Variants in TMEM132C observed in about 807,000 individuals in gnomAD.
TMEM132C encodes the protein transmembrane protein 132C, also known as protein phosphatase 1, regulatory subunit 152.
In TMEM132C, 29 loss-of-function variants were observed where a neutral mutation model predicts 61.4. The ratio of observed to expected loss-of-function variants is 0.47; its 90% CI spans 0.35 to 0.64. The LOEUF (loss-of-function observed/expected upper bound fraction) is 0.64. Ranked by LOEUF, TMEM132C falls within the 30% of genes least tolerant of loss-of-function variation. The pLI is 0.00. For missense variants in TMEM132C, 1,408 were observed against 1,476.9 expected, an observed-to-expected ratio of 0.95 and a Z score of 0.76; for synonymous variants, 656 against 633.1, an observed-to-expected ratio of 1.04 and a Z score of -0.54.
chr12:128,669,609 G>A (rs1175534880), intron 5 of TMEM132C, 49 bp downstream of exon 5: 1 of 1,539,788 alleles, frequency 6.5e-7, no homozygotes, highest in Non-Finnish European at 8.8e-7. Context: ...AACTTCACTT[G>A]GACATCCCGT....
At chr12:128,548,983 C>T (rs772887027) in intron 3 of TMEM132C, among the ~76,000 whole-genome samples, 3 of 152,174 alleles carry the variant, frequency 2.0e-5, no homozygotes, top group Non-Finnish European at 4.4e-5. Flanking sequence ...TTGTCATCTG[C>T]AAAGGGTCCA....
intron 3 of TMEM132C, among the ~76,000 whole-genome samples, chr12:128,559,304 T>C (rs1874436666): frequency 6.6e-6 from 1 of 152,188 alleles, no homozygotes; most frequent in African/African-American, 2.4e-5. Flanking sequence ...CAAACATCTG[T>C]ATATTATGGC....
intron 1 of TMEM132C, among the ~76,000 whole-genome samples, chr12:128,279,082 C>G (rs1398187404): frequency 2.0e-5 from 3 of 152,126 alleles, no homozygotes; most frequent in Non-Finnish European, 2.9e-5. Context: ...TCTATTGGTT[C>G]TATTTCCCAG....
chr12:128,676,969 C>G (rs186494971), intron 5 of TMEM132C, among the ~76,000 whole-genome samples: 1 of 152,284 alleles, frequency 6.6e-6, no homozygotes, highest in East Asian at 1.9e-4. Flanking sequence ...TTTGTTGATT[C>G]ACATTCAAGA....
At chr12:128,594,507 G>A (rs1272639987) in intron 3 of TMEM132C, among the ~76,000 whole-genome samples, 3 of 152,050 alleles carry the variant, frequency 2.0e-5, no homozygotes, top group East Asian at 1.9e-4. Context: ...CACATTGCAC[G>A]GTGCAAATGG....
intron 4 of TMEM132C, among the ~76,000 whole-genome samples, chr12:128,628,853 A>G (rs931316810): frequency 6.6e-6 from 1 of 152,256 alleles, no homozygotes; most frequent in Non-Finnish European, 1.5e-5. Context: ...AGGAAGATGC[A>G]TTATCCTTAT....
At chr12:128,396,401 G>A (rs1330763662) in intron 1 of TMEM132C, among the ~76,000 whole-genome samples, 2 of 151,976 alleles carry the variant, frequency 1.3e-5, no homozygotes, top group African/African-American at 2.4e-5. Flanking sequence ...TGAGGGGCAG[G>A]GGAAGAGAGA....
chr12:128,607,212 G>C (rs1876455914), intron 3 of TMEM132C, among the ~76,000 whole-genome samples: 1 of 152,166 alleles, frequency 6.6e-6, no homozygotes, highest in South Asian at 2.1e-4. Context: ...AAGCAGGAAT[G>C]TTCCTGGAGT....
intron 3 of TMEM132C, among the ~76,000 whole-genome samples, chr12:128,609,444 G>T (rs1198091242): frequency 6.6e-6 from 1 of 151,732 alleles, no homozygotes; most frequent in Non-Finnish European, 1.5e-5. Flanking sequence ...TGTTTGTGGA[G>T]ACAGGGTTTT....
chr12:128,402,549 G>A (rs1875198270), intron 1 of TMEM132C, among the ~76,000 whole-genome samples: 1 of 152,180 alleles, frequency 6.6e-6, no homozygotes, highest in South Asian at 2.1e-4. Flanking sequence ...AGCAGCGTAG[G>A]AAACTGACAC....
intron 1 of TMEM132C, among the ~76,000 whole-genome samples, chr12:128,339,425 A>AT (rs1346626483): frequency 1.3e-5 from 2 of 152,048 alleles, no homozygotes; most frequent in African/African-American, 4.8e-5. Context: ...TCCCGCTTGC[A>AT]TATCAAGGCC....
chr12:128,551,726 T>C (rs546189035), intron 3 of TMEM132C, among the ~76,000 whole-genome samples: 1 of 152,268 alleles, frequency 6.6e-6, no homozygotes, highest in Admixed American at 6.5e-5. Flanking sequence ...CTCCTGTTCC[T>C]TAGGAAGCAT....
chr12:128,392,064 T>TTCTCTCTCTCTCTCTCTCTC, intron 1 of TMEM132C, among the ~76,000 whole-genome samples: 1 of 130,534 alleles, frequency 7.7e-6, no homozygotes, highest in East Asian at 2.6e-4. Flanking sequence ...CTCTCTCTCT[T>TTCTCTCTCTCTCTCTCTCTC]TCTCTCTCTC....
Position 128,695,993 on chromosome 12 carries a change from G to A in TMEM132C, c.1819G>A (p.Asp607Asn), listed in dbSNP as rs766653000. 5 of 1,551,772 alleles carry A rather than the reference G, an allele frequency of 3.2e-6. No individual in the cohort carries two copies. The highest frequency in any genetic ancestry group is 2.4e-5 in the East Asian group (1 of 40,920). The change falls in exon 7 of 9, where the codon GAC becomes AAC. Residue 607 changes from aspartate (D) to asparagine (N), a missense_variant. Transcript: ENST00000435159. ...NYLLSPNWQF[D>N]ITHLVADFMK... is the part of the protein sequence containing the mutation. ...CCTGCTTAGTCCTAACTGGCAGTTCGACATCACTCACCTGGTGGCAGACTT... is the reference window on the plus strand; with the variant it reads ...CCTGCTTAGTCCTAACTGGCAGTTCAACATCACTCACCTGGTGGCAGACTT...
chr12:128,274,079 G>A (rs1870605184), intron 1 of TMEM132C, among the ~76,000 whole-genome samples: 2 of 152,122 alleles, frequency 1.3e-5, no homozygotes, highest in Non-Finnish European at 2.9e-5. Context: ...CTGCATTCAA[G>A]GAGAAAGCAA....
chr12:128,676,321 C>T (rs1003612886), intron 5 of TMEM132C, among the ~76,000 whole-genome samples: 1 of 152,066 alleles, frequency 6.6e-6, no homozygotes, highest in Non-Finnish European at 1.5e-5. Context: ...TTTAGATTCA[C>T]ATTTGCATTC....
intron 2 of TMEM132C, among the ~76,000 whole-genome samples, chr12:128,448,998 G>A (rs946737813): frequency 2.2e-4 from 34 of 151,756 alleles, no homozygotes; most frequent in South Asian, 4.2e-4. Flanking sequence ...TTAGCCAGGC[G>A]CGGTGGCGGG....
chr12:128,633,826 C>T (rs958405863), intron 4 of TMEM132C, among the ~76,000 whole-genome samples: 1 of 152,158 alleles, frequency 6.6e-6, no homozygotes, highest in Non-Finnish European at 1.5e-5. Flanking sequence ...TTATTCTTCA[C>T]TCCTTTATGT....
chr12:128,525,611 G>A (rs7294869), intron 2 of TMEM132C, among the ~76,000 whole-genome samples: 143,802 of 152,198 alleles, frequency 0.94, 68,402 homozygotes, highest in East Asian at 1. Context: ...TCTGAGAGGT[G>A]TATGATCTAT....
Sources: gnomAD v4.1 joint callset for allele counts (sites outside exome capture counted in the v4.1 genomes callset) on GRCh38, gnomAD v4.1.1 for gene constraint, MANE v1.5 for transcripts, NCBI Gene and HGNC (gene_info 2026-07-23, HGNC 2026-07-21) for gene names.